The following ARHGAP19 variants were observed in gnomAD, a reference collection of about 807,000 sequenced individuals.
ARHGAP19 encodes the protein rho GTPase-activating protein 19.
A neutral mutation model predicts 60.9 loss-of-function variants in ARHGAP19; 48 were observed. The ratio of observed to expected loss-of-function variants is 0.79; its 90% confidence interval spans 0.62 to 1.00. The LOEUF (loss-of-function observed/expected upper bound fraction) is 1.00, where lower values mean the gene tolerates loss of function less well. Among genes scored for constraint, ARHGAP19 ranks in the 50% least tolerant of loss-of-function variants. The pLI is 0.00. For synonymous variants in ARHGAP19, 209 were observed against 215.5 expected (o/e 0.97, Z 0.27); for missense variants, 562 against 597.2 (o/e 0.94, Z 0.61).
intron 11 of ARHGAP19, among the ~76,000 whole-genome samples, chr10:97,227,048 C>T (rs954721073): frequency 6.6e-6 from 1 of 152,178 alleles, no homozygotes; most frequent in East Asian, 1.9e-4. Flanking sequence ...AGGAAGGCTG[C>T]TCATCATACA....
intron 1 of ARHGAP19, among the ~76,000 whole-genome samples, chr10:97,266,858 C>T (rs1227621316): frequency 6.6e-6 from 1 of 152,214 alleles, no homozygotes; most frequent in Admixed American, 6.5e-5. Flanking sequence ...CACCGAGTTC[C>T]TCTCATGACA....
intron 5 of ARHGAP19, 119 bp downstream of exon 5, chr10:97,259,282 CA>C (rs1842795799): frequency 1.2e-6 from 1 of 801,160 alleles, no homozygotes; most frequent in South Asian, 1.7e-5. Flanking sequence ...AGTAAGTTCC[CA>C]ACCTCATAAA....
At chr10:97,289,313 A>G (rs1197191137) in intron 1 of ARHGAP19, among the ~76,000 whole-genome samples, 1 of 151,492 alleles carries the variant, frequency 6.6e-6, no homozygotes, top group Admixed American at 6.6e-5. Flanking sequence ...ATGGGGTTTC[A>G]CTGTGTTCCC....
intron 4 of ARHGAP19, among the ~76,000 whole-genome samples, chr10:97,263,078 A>C (rs113727712): frequency 0.052 from 7,977 of 152,216 alleles, 286 homozygotes; most frequent in Non-Finnish European, 0.08. Context: ...GCACCACTGC[A>C]CTCCAGCCTA....
At chr10:97,262,483 G>A (rs538802637) in intron 4 of ARHGAP19, among the ~76,000 whole-genome samples, 4 of 152,170 alleles carry the variant, frequency 2.6e-5, no homozygotes, top group African/African-American at 9.6e-5. Flanking sequence ...TGGCCAACAT[G>A]GTGAAATCCC....
chr10:97,244,841 A>C (rs1448135117), intron 7 of ARHGAP19, among the ~76,000 whole-genome samples: 1 of 152,070 alleles, frequency 6.6e-6, no homozygotes, highest in East Asian at 1.9e-4. Context: ...GAACTTGAAA[A>C]TTTTAAGCAC....
At chr10:97,257,787 A>C (rs1842775964) in intron 5 of ARHGAP19, among the ~76,000 whole-genome samples, 1 of 145,718 alleles carries the variant, frequency 6.9e-6, no homozygotes, top group Admixed American at 7.2e-5. Context: ...TTATTTTTTA[A>C]GTAAAATGTT....
chr10:97,292,537 G>A (rs377450536), intron 1 of ARHGAP19, 35 bp downstream of exon 1: 1 of 1,613,644 alleles, frequency 6.2e-7, no homozygotes, highest in Non-Finnish European at 8.5e-7. Flanking sequence ...GCCCAAGGCC[G>A]CGTTTCCCAG....
chr10:97,249,873 A>C (rs1044508105), intron 6 of ARHGAP19, among the ~76,000 whole-genome samples: 1 of 145,570 alleles, frequency 6.9e-6, no homozygotes, highest in South Asian at 2.1e-4. Context: ...ATCTCAGCTC[A>C]CTGAAAGCTC....
rs113292709 is a variant in ARHGAP19 at position 97,256,205 on chromosome 10, C to T, written c.927+113G>A. The T allele has an allele frequency of 2.6e-4, 221 of 860,526 alleles. No individual in the cohort carries two copies. The African/African-American group carries it at 3.1e-3, about 12-fold the overall frequency. 53.3% of individuals were successfully genotyped at this position (860,526 alleles called of 1,614,324 possible). A position where few individuals can be genotyped will look rare whatever the true frequency, so the allele number is the denominator to read the frequency against. On this transcript the variant is annotated intron_variant, in intron 6 of 11. Transcript: ENST00000358531. The stretch of plus-strand genomic sequence containing the variant: ...TTTTGCCACTGTCCATTCTGGTTTG[C>T]AATCCCATTCAGGACCTTTTTCTCG...
At chr10:97,276,868 C>T (rs1384141262) in intron 1 of ARHGAP19, among the ~76,000 whole-genome samples, 5 of 9,298 alleles carry the variant, frequency 5.4e-4, no homozygotes, top group African/African-American at 6.8e-4. Context: ...CCGCCCCGTC[C>T]GGGAGGTGAG....
intron 1 of ARHGAP19, among the ~76,000 whole-genome samples, chr10:97,268,993 A>G (rs1049854604): frequency 2.6e-5 from 4 of 152,226 alleles, no homozygotes; most frequent in African/African-American, 9.6e-5. Context: ...GTCATAACAC[A>G]TAAGCTAGAA....
rs1365233729 is a variant in ARHGAP19, at chr10:97,235,311, T to C, written c.1190A>G (p.Asn397Ser). The part of the protein sequence containing the change: ...AKKKQLIRQF[N>S]KQSLTQTPGR... The stretch of plus-strand genomic sequence containing the variant: ...TGGTGTCTGGGTCAATGATTGCTTA[T>C]TAAACTAAAAGAAAACATGGAGAAC... Residue 397 changes from asparagine (N) to serine (S), a missense_variant, in exon 9 of 12, where the codon AAT becomes AGT. Physicochemically the swap from Asn to Ser is conservative, Grantham distance 46 (BLOSUM62 1). Transcript: ENST00000358531. 1.2e-6 allele frequency: 2 copies of C among 1,608,906 alleles called. No homozygotes were observed. Among genetic ancestry groups the C allele is most frequent in the African/African-American group, 2.7e-5 (2 of 74,780 alleles).
At chr10:97,269,451 AC>A (rs1231682137) in intron 1 of ARHGAP19, among the ~76,000 whole-genome samples, 1 of 152,192 alleles carries the variant, frequency 6.6e-6, no homozygotes, top group Non-Finnish European at 1.5e-5. Flanking sequence ...TCTCTCTTCA[AC>A]CTTTTTACAC....
intron 9 of ARHGAP19, among the ~76,000 whole-genome samples, chr10:97,234,197 G>T (rs932049479): frequency 6.6e-6 from 1 of 151,834 alleles, no homozygotes; most frequent in African/African-American, 2.4e-5. Context: ...AACCCAAGAG[G>T]GGGAGGTTGC....
At chr10:97,243,339 T>A (rs1267293371) in intron 8 of ARHGAP19, among the ~76,000 whole-genome samples, 1 of 152,184 alleles carries the variant, frequency 6.6e-6, no homozygotes, top group Non-Finnish European at 1.5e-5. Flanking sequence ...ACAAAATTAA[T>A]CTTGAGAAAG....
At chr10:97,243,905 A>G (rs1028172566) in intron 8 of ARHGAP19, 63 bp downstream of exon 8, 2 of 1,419,522 alleles carry the variant, frequency 1.4e-6, no homozygotes, top group African/African-American at 2.9e-5. Flanking sequence ...AATATGACCT[A>G]CTGATTCTAC....
At chr10:97,252,324 C>CAAA (rs35769409) in intron 6 of ARHGAP19, among the ~76,000 whole-genome samples, 12 of 133,820 alleles carry the variant, frequency 9.0e-5, no homozygotes, top group Admixed American at 8.2e-4. Context: ...GAGACTGTCT[C>CAAA]AAAAAAAAAA....
chr10:97,225,514 G>A lies in ARHGAP19; in HGVS notation c.*608C>T. On this transcript the variant is annotated 3_prime_UTR_variant, in exon 12 of 12. Transcript: ENST00000358531. ...GAAATAATAAAAAATGTCCAGAAAA[G>A]CTATAAATTCTTTGGACACAAATTA... The A allele has an allele frequency of 6.6e-6, 1 of 152,176 alleles. No homozygotes were observed. 9.4% of individuals were successfully genotyped at this position (152,176 alleles called of 1,614,324 possible).
Sources: gnomAD v4.1 joint callset for allele counts (sites outside exome capture counted in the v4.1 genomes callset) on GRCh38, gnomAD v4.1.1 for gene constraint, MANE v1.5 for transcripts, NCBI Gene and HGNC (gene_info 2026-07-23, HGNC 2026-07-21) for gene names.